Variants in STK31 observed in about 807,000 individuals in gnomAD.
STK31 encodes the protein serine/threonine-protein kinase 31.
A neutral mutation model predicts 129.7 loss-of-function variants in STK31; 89 were observed. That is an observed-to-expected ratio of 0.69 (90% CI 0.58 to 0.82). The LOEUF is 0.82. Ranked by LOEUF, STK31 falls within the 40% of genes least tolerant of loss-of-function variation. The pLI, the probability that STK31 is intolerant of heterozygous loss-of-function variation, is 0.00. For missense variants in STK31, 1,187 were observed against 1,176.4 expected, an observed-to-expected ratio of 1.01 and a Z score of -0.13; for synonymous variants, 448 against 395.3, an observed-to-expected ratio of 1.13 and a Z score of -1.58.
intron 5 of STK31, among the ~76,000 whole-genome samples, chr7:23,728,457 A>G: frequency 6.6e-6 from 1 of 152,176 alleles, no homozygotes; most frequent in Non-Finnish European, 1.5e-5. Flanking sequence ...AGTGGAATGG[A>G]ACTTTCTAAT....
At chr7:23,755,577 G>T (rs568948051) in intron 10 of STK31, among the ~76,000 whole-genome samples, 1 of 152,162 alleles carries the variant, frequency 6.6e-6, no homozygotes, top group East Asian at 1.9e-4. Flanking sequence ...CTTTGCCCAT[G>T]CCTATGTCCT....
chr7:23,828,746 C>G (rs902571407), intron 23 of STK31, among the ~76,000 whole-genome samples: 4 of 152,056 alleles, frequency 2.6e-5, no homozygotes, highest in African/African-American at 7.2e-5. Flanking sequence ...CACCCCCTGA[C>G]TTGTTCTTTT....
chr7:23,830,997 A>G (rs1206805687), intron 23 of STK31, among the ~76,000 whole-genome samples: 1 of 152,152 alleles, frequency 6.6e-6, no homozygotes, highest in African/African-American at 2.4e-5. Context: ...ATGATACTGG[A>G]TATGATTTTA....
chr7:23,786,420 A>AT, intron 18 of STK31, 88 bp from the exon 19 acceptor site: 1 of 1,272,710 alleles, frequency 7.9e-7, no homozygotes, highest in Non-Finnish European at 1.0e-6. Context: ...TTAACTTAAA[A>AT]TAATGAATTA....
At chr7:23,759,989 T>TA (rs1386639059) in intron 10 of STK31, among the ~76,000 whole-genome samples, 1 of 152,220 alleles carries the variant, frequency 6.6e-6, no homozygotes. Context: ...GACTCTGCCT[T>TA]ACTATTAATT....
chr7:23,759,934 A>T (rs1263633440), intron 10 of STK31, among the ~76,000 whole-genome samples: 1 of 152,130 alleles, frequency 6.6e-6, no homozygotes, highest in Non-Finnish European at 1.5e-5. Context: ...CATACATGCT[A>T]ATGTGGAACT....
intron 23 of STK31, among the ~76,000 whole-genome samples, chr7:23,819,169 C>T (rs1179013546): frequency 1.3e-5 from 2 of 152,012 alleles, no homozygotes; most frequent in South Asian, 4.1e-4. Flanking sequence ...GTTATTTTTT[C>T]TCATTTGGAT....
intron 13 of STK31, 65 bp from the exon 14 acceptor site, chr7:23,770,940 A>G: frequency 2.0e-6 from 3 of 1,475,134 alleles, no homozygotes; most frequent in Non-Finnish European, 2.7e-6. Flanking sequence ...ATCTATTGTT[A>G]TTGGAGGCCT....
chr7:23,817,187 C>CA lies in STK31; in HGVS notation c.2829+1988dup, dbSNP rs955726624. Among the ~76,000 whole-genome samples the CA allele has an allele frequency of 2.7e-3, 399 of 147,524 alleles. 2 individuals are homozygous for CA. The highest frequency in any genetic ancestry group is 8.9e-3 in the African/African-American group (357 of 40,158). ...TGGGCGACAGAACAAGACTTTGTCT[C>CA]AAAAAAAAAAAAATAATAATAATAA... On this transcript the variant is annotated intron_variant, in intron 23 of 23. Coordinates refer to ENST00000355870, the MANE Select transcript of STK31 (RefSeq NM_031414.5).
chr7:23,757,547 T>C (rs897349777), intron 10 of STK31, among the ~76,000 whole-genome samples: 1 of 152,086 alleles, frequency 6.6e-6, no homozygotes. Flanking sequence ...TACATAAACA[T>C]ATCTGGTGCA....
intron 5 of STK31, 164 bp downstream of exon 5, chr7:23,727,479 A>G (rs1787154007): frequency 1.0e-5 from 6 of 599,680 alleles, no homozygotes; most frequent in African/African-American, 7.5e-5. Context: ...GTTGTTTTAT[A>G]ATCACCTCAG....
chr7:23,771,271 G>A, intron 14 of STK31, 147 bp downstream of exon 14: 2 of 675,148 alleles, frequency 3.0e-6, no homozygotes, highest in Non-Finnish European at 4.3e-6. Flanking sequence ...GATTTTTGAT[G>A]ATATAAATAT....
intron 22 of STK31, among the ~76,000 whole-genome samples, chr7:23,791,694 C>G (rs888311437): frequency 6.6e-6 from 1 of 152,118 alleles, no homozygotes; most frequent in Admixed American, 6.5e-5. Context: ...GCCTCTTTTT[C>G]CAAAGTCTTG....
chr7:23,764,788 G>A (rs1204325850), intron 11 of STK31, among the ~76,000 whole-genome samples: 1 of 151,812 alleles, frequency 6.6e-6, no homozygotes, highest in Non-Finnish European at 1.5e-5. Flanking sequence ...GGGTGTTAAG[G>A]TATTCATGAT....
At chr7:23,796,822 G>A (rs1302554947) in intron 22 of STK31, among the ~76,000 whole-genome samples, 1 of 152,034 alleles carries the variant, frequency 6.6e-6, no homozygotes, top group African/African-American at 2.4e-5. Flanking sequence ...CTGGCAAATT[G>A]GATAAAGAAT....
At chr7:23,819,580 A>G (rs1793678092) in intron 23 of STK31, among the ~76,000 whole-genome samples, 1 of 152,152 alleles carries the variant, frequency 6.6e-6, no homozygotes. Flanking sequence ...ATGCCCAGCT[A>G]ATTTTTGTAT....
At chr7:23,753,053 C>T (rs532204476) in intron 9 of STK31, among the ~76,000 whole-genome samples, 63 of 152,254 alleles carry the variant, frequency 4.1e-4, no homozygotes, top group African/African-American at 1.5e-3. Context: ...AAGGTTATAA[C>T]TGAGACTGAA....
At chr7:23,767,340 A>G (rs1007228233) in intron 11 of STK31, among the ~76,000 whole-genome samples, 12 of 152,204 alleles carry the variant, frequency 7.9e-5, no homozygotes, top group Non-Finnish European at 1.3e-4. Context: ...GTGTAGTTAT[A>G]TGAAGGGCCT....
intron 23 of STK31, among the ~76,000 whole-genome samples, chr7:23,824,935 C>T (rs937736572): frequency 6.6e-6 from 1 of 152,014 alleles, no homozygotes; most frequent in African/African-American, 2.4e-5. Flanking sequence ...GCCTTGCATC[C>T]CAGGGATGAA....
Sources: allele counts gnomAD v4.1 joint callset (sites outside exome capture counted in the v4.1 genomes callset), GRCh38; gene constraint gnomAD v4.1.1; transcripts MANE v1.5; gene names NCBI Gene and HGNC (gene_info 2026-07-23, HGNC 2026-07-21).